The following STUM variants were observed in gnomAD, a reference collection of about 807,000 sequenced individuals.
The protein encoded by STUM is protein stum homolog.
A neutral mutation model predicts 15.3 loss-of-function variants in STUM; 8 were observed. That is an observed-to-expected ratio of 0.52 (90% CI 0.31 to 0.94). STUM has a LOEUF of 0.94. STUM is among the 40% of genes least tolerant of loss of function. The pLI is 0.05. For missense variants in STUM, 142 were observed against 204.9 expected (o/e 0.69, Z 1.87); for synonymous variants, 78 against 88.7 (o/e 0.88, Z 0.68).
chr1:226,582,309 T>G (rs1667931002), intron 1 of STUM, among the ~76,000 whole-genome samples: 1 of 152,244 alleles, frequency 6.6e-6, no homozygotes, highest in Non-Finnish European at 1.5e-5. Flanking sequence ...GACACCAGTA[T>G]GGGCTGGGCG....
chr1:226,593,000 A>G (rs1316547722), intron 1 of STUM, among the ~76,000 whole-genome samples: 2 of 152,224 alleles, frequency 1.3e-5, no homozygotes, highest in East Asian at 3.9e-4. Context: ...AGCATGGCCA[A>G]CATGGGGAAA....
chr1:226,601,135 T>C (rs1668256241), intron 3 of STUM, among the ~76,000 whole-genome samples: 1 of 152,088 alleles, frequency 6.6e-6, no homozygotes, highest in African/African-American at 2.4e-5. Context: ...TTTTTTCTTC[T>C]TCTTCTTTTG....
chr1:226,592,043 A>G (rs1195843296), intron 1 of STUM, among the ~76,000 whole-genome samples: 1 of 151,232 alleles, frequency 6.6e-6, no homozygotes, highest in Admixed American at 6.6e-5. Context: ...TATTATTATT[A>G]ATTTTTTTGT....
intron 1 of STUM, among the ~76,000 whole-genome samples, chr1:226,572,533 G>A (rs180750489): frequency 2.7e-4 from 41 of 152,294 alleles, no homozygotes; most frequent in Non-Finnish European, 4.6e-4. Context: ...ATGAGCAGAC[G>A]GAGCAGAGGG....
intron 1 of STUM, among the ~76,000 whole-genome samples, chr1:226,588,949 C>G (rs1668042333): frequency 6.6e-6 from 1 of 152,220 alleles, no homozygotes; most frequent in Admixed American, 6.5e-5. Flanking sequence ...TCAACCAACT[C>G]CTCCGGAGAA....
intron 1 of STUM, among the ~76,000 whole-genome samples, chr1:226,572,873 C>T (rs376403827): frequency 1.3e-5 from 2 of 152,184 alleles, no homozygotes; most frequent in African/African-American, 2.4e-5. Context: ...CAGTCCAAGC[C>T]TCTCATTTTA....
intron 1 of STUM, among the ~76,000 whole-genome samples, chr1:226,556,420 G>A (rs1046670624): frequency 1.3e-5 from 2 of 152,164 alleles, no homozygotes; most frequent in Non-Finnish European, 2.9e-5. Flanking sequence ...GTGCTTTAAT[G>A]GAGGAAAGGA....
At chr1:226,577,695 C>T (rs1257649425) in intron 1 of STUM, among the ~76,000 whole-genome samples, 1 of 152,180 alleles carries the variant, frequency 6.6e-6, no homozygotes, top group Non-Finnish European at 1.5e-5. Flanking sequence ...GGAGGGGGGG[C>T]CAGCAGCAGC....
intron 1 of STUM, among the ~76,000 whole-genome samples, chr1:226,554,881 C>T (rs554515263): frequency 6.6e-6 from 1 of 152,194 alleles, no homozygotes; most frequent in Non-Finnish European, 1.5e-5. Flanking sequence ...CCTCCTCTCT[C>T]ATTTTCTAGT....
intron 1 of STUM, among the ~76,000 whole-genome samples, chr1:226,592,193 G>A (rs1325341381): frequency 2.6e-5 from 4 of 152,094 alleles, no homozygotes; most frequent in African/African-American, 7.2e-5. Context: ...GACTACAGGC[G>A]TGCACCACCA....
rs999507017 is a variant in STUM, at chr1:226,602,561, C to G, written c.*521C>G. 2 of 155,032 alleles carry G rather than the reference C, an allele frequency of 1.3e-5. No individual in the cohort carries two copies. The highest frequency in any genetic ancestry group is 4.8e-5 in the African/African-American group (2 of 41,476). 9.6% of individuals were successfully genotyped at this position (155,032 alleles called of 1,614,324 possible). ...GTGGGTGAGGATGGCCAGGCTCCAC[C>G]CTAGCGTGGAAAGGCCCACTGTGCC... On this transcript the variant is annotated 3_prime_UTR_variant, in exon 4 of 4. Coordinates refer to ENST00000366788, the MANE Select transcript of STUM (RefSeq NM_001003665.4).
intron 1 of STUM, among the ~76,000 whole-genome samples, chr1:226,556,880 G>A (rs1346828719): frequency 1.3e-5 from 2 of 152,076 alleles, no homozygotes; most frequent in African/African-American, 4.8e-5. Context: ...ATAAATTTGT[G>A]GGGTACAAAG....
At chr1:226,577,365 A>G (rs1321727057) in intron 1 of STUM, among the ~76,000 whole-genome samples, 2 of 152,150 alleles carry the variant, frequency 1.3e-5, no homozygotes, top group Admixed American at 1.3e-4. Context: ...AAAAAAGTGA[A>G]ATTGTACCCA....
chr1:226,588,668 C>T (rs1208313990), intron 1 of STUM, among the ~76,000 whole-genome samples: 2 of 152,184 alleles, frequency 1.3e-5, no homozygotes, highest in African/African-American at 2.4e-5. Context: ...AATAATTGCA[C>T]AATGAGGCAA....
At chr1:226,554,260 A>C (rs756017689) in intron 1 of STUM, among the ~76,000 whole-genome samples, 4 of 152,266 alleles carry the variant, frequency 2.6e-5, no homozygotes, top group Non-Finnish European at 4.4e-5. Flanking sequence ...AGGCCATGGC[A>C]TGGCATGTGA....
rs999455472 is a variant in STUM, at chr1:226,608,755, T to C, written c.*6715T>C. 7.2e-5 allele frequency: 11 copies of C among 152,220 alleles called. No homozygotes were observed. Among genetic ancestry groups the C allele is most frequent in the African/African-American group, 2.7e-4 (11 of 41,434 alleles). The allele number at this position is 152,220 out of a possible 1,614,324, so 9.4% of individuals were successfully genotyped here. A position where few individuals can be genotyped will look rare whatever the true frequency, so the allele number is the denominator to read the frequency against. ...ACCCTTCTTGGAAGAAAACGTCTAA[T>C]GTCGGGGACGTAGGGACGCTTCCAG... On this transcript the variant is annotated 3_prime_UTR_variant, in exon 4 of 4. Transcript: ENST00000366788. The surrounding 1 kb of genome is among the most constrained non-coding windows in gnomAD (Gnocchi z 4.0).
Position 226,602,162 on chromosome 1 carries a change from G to T in STUM, c.*122G>T. ...TTTCTGGACTGGGGGTGGAAAGGGGGTATTTTTAAAAATATTATTTATTTT... is the reference window on the plus strand; with the variant it reads ...TTTCTGGACTGGGGGTGGAAAGGGGTTATTTTTAAAAATATTATTTATTTT... On this transcript the variant is annotated 3_prime_UTR_variant, in exon 4 of 4. Coordinates refer to ENST00000366788, the MANE Select transcript of STUM (RefSeq NM_001003665.4). The T allele has an allele frequency of 1.4e-6, 1 of 698,282 alleles. No individual in the cohort carries two copies. Among genetic ancestry groups the T allele is most frequent in the Non-Finnish European group, 2.4e-6 (1 of 414,278 alleles). 43.3% of individuals were successfully genotyped at this position (698,282 alleles called of 1,614,324 possible).
rs895139946 is a variant in STUM, at chr1:226,605,327, G to A, written c.*3287G>A. The stretch of plus-strand genomic sequence containing the variant: ...CAGAGGAGAAGCTCCGAGAGAGTAA[G>A]TCATGTGCCCCCAAACACTCAGCTC... On this transcript the variant is annotated 3_prime_UTR_variant, in exon 4 of 4. Transcript: ENST00000366788. This position sits in a 1 kb window ranked among gnomAD's most constrained non-coding sequence, Gnocchi z 4.0. 6.6e-6 allele frequency: 1 copy of A among 152,572 alleles called. No individual in the cohort carries two copies. The highest frequency in any genetic ancestry group is 2.4e-5 in the African/African-American group (1 of 41,442). 9.5% of individuals were successfully genotyped at this position (152,572 alleles called of 1,614,324 possible). A position where few individuals can be genotyped will look rare whatever the true frequency, so the allele number is the denominator to read the frequency against.
At chr1:226,590,168 C>T (rs1371365989) in intron 1 of STUM, among the ~76,000 whole-genome samples, 1 of 152,026 alleles carries the variant, frequency 6.6e-6, no homozygotes, top group African/African-American at 2.4e-5. Context: ...CACCCTGTCC[C>T]CCGACCCCTC....
Sources: allele counts gnomAD v4.1 joint callset (sites outside exome capture counted in the v4.1 genomes callset), GRCh38; gene constraint gnomAD v4.1.1; non-coding constraint Gnocchi (gnomAD v3.1); transcripts MANE v1.5; gene names NCBI Gene and HGNC (gene_info 2026-07-23, HGNC 2026-07-21).